CCDC149: variants seen among roughly 807,000 people sequenced by gnomAD.
The protein encoded by CCDC149 is coiled-coil domain-containing protein 149.
Under a neutral mutation model 59.9 loss-of-function variants are expected in CCDC149, and 45 were observed. The ratio of observed to expected loss-of-function variants is 0.75; its 90% CI spans 0.59 to 0.96. The LOEUF is 0.96. Among genes scored for constraint, CCDC149 ranks in the 40% least tolerant of loss-of-function variants. The probability of loss-of-function intolerance (pLI) is 0.00; values close to 1 mark genes in which losing one functional copy is unlikely to be tolerated. For missense variants in CCDC149, 584 were observed against 664.7 expected (o/e 0.88, Z 1.33); for synonymous variants, 245 against 260.6 (o/e 0.94, Z 0.58).
intron 1 of CCDC149, among the ~76,000 whole-genome samples, chr4:24,937,230 G>A (rs1722809553): frequency 1.3e-5 from 2 of 152,198 alleles, no homozygotes; most frequent in Non-Finnish European, 2.9e-5. Context: ...TGGAACTCAG[G>A]AGGGGTGGAA....
At chr4:24,918,982 C>G (rs1722209797) in intron 1 of CCDC149, among the ~76,000 whole-genome samples, 1 of 152,210 alleles carries the variant, frequency 6.6e-6, no homozygotes, top group South Asian at 2.1e-4. Flanking sequence ...TAGATAGACA[C>G]TGTCAACAAG....
At chr4:24,813,368 C>A (rs1156243206) in intron 12 of CCDC149, among the ~76,000 whole-genome samples, 1 of 151,634 alleles carries the variant, frequency 6.6e-6, no homozygotes, top group African/African-American at 2.4e-5. Context: ...CTGACTAAGA[C>A]ATTCAGAAAT....
chr4:24,943,265 A>T (rs1723003670), intron 1 of CCDC149, among the ~76,000 whole-genome samples: 1 of 152,170 alleles, frequency 6.6e-6, no homozygotes, highest in South Asian at 2.1e-4. Context: ...AATGCCGCAT[A>T]TCTACAACTA....
At chr4:24,964,170 G>A (rs974097386) in intron 1 of CCDC149, among the ~76,000 whole-genome samples, 6 of 139,154 alleles carry the variant, frequency 4.3e-5, no homozygotes, top group Non-Finnish European at 9.1e-5. Flanking sequence ...CTCTAGCCTG[G>A]GCAACAGAGT....
chr4:24,852,609 C>T (rs908922731), intron 4 of CCDC149, among the ~76,000 whole-genome samples: 4 of 152,026 alleles, frequency 2.6e-5, no homozygotes, highest in Admixed American at 1.3e-4. Flanking sequence ...GGATTTTGAG[C>T]AATGTTCCAT....
chr4:24,967,109 C>T (rs1188892873), intron 1 of CCDC149, among the ~76,000 whole-genome samples: 1 of 152,156 alleles, frequency 6.6e-6, no homozygotes, highest in Non-Finnish European at 1.5e-5. Flanking sequence ...GTATGTCTCT[C>T]CCATACCAAA....
rs865857976 is a variant in CCDC149 at position 24,839,061 on chromosome 4, C to G, written c.373-789G>C. Among the ~76,000 whole-genome samples, 658 of 115,314 alleles carry G rather than the reference C, an allele frequency of 5.7e-3. 7 individuals are homozygous for G. Among genetic ancestry groups the G allele is most frequent in the Middle Eastern group, 0.018 (4 of 226 alleles). The allele number at this position is 115,314 out of a possible 152,430, so 75.7% of individuals were successfully genotyped here. On this transcript the variant is annotated intron_variant, in intron 4 of 12. Transcript: ENST00000635206. ...ACACACACACACACACACACACACA[C>G]AGAGAGAGAGAGAGAAAGAGAGAGA...
chr4:24,972,573 C>A (rs538625184), intron 1 of CCDC149, among the ~76,000 whole-genome samples: 194 of 152,210 alleles, frequency 1.3e-3, no homozygotes, highest in African/African-American at 4.5e-3. Flanking sequence ...CTCCCAAATG[C>A]TAGAATTACA....
intron 1 of CCDC149, among the ~76,000 whole-genome samples, chr4:24,907,040 T>A (rs1428224247): frequency 6.6e-6 from 1 of 152,226 alleles, no homozygotes; most frequent in African/African-American, 2.4e-5. Context: ...GGGAGTGGTG[T>A]GGCTTCATAT....
At chr4:24,894,968 C>G (rs1377834387) in intron 1 of CCDC149, 1 of 1,535,980 alleles carries the variant, frequency 6.5e-7, no homozygotes, top group Non-Finnish European at 8.7e-7. Context: ...CTTAAAGTCC[C>G]ATGCAGGCAT....
At chr4:24,928,881 C>T (rs575797571) in intron 1 of CCDC149, among the ~76,000 whole-genome samples, 20 of 152,298 alleles carry the variant, frequency 1.3e-4, no homozygotes, top group South Asian at 1.0e-3. Context: ...CTTCATGTGA[C>T]AGGCGGGGCA....
chr4:24,876,344 G>GAA (rs1719438658), intron 2 of CCDC149, among the ~76,000 whole-genome samples, 192 bp downstream of exon 2: 1 of 149,654 alleles, frequency 6.7e-6, no homozygotes, highest in South Asian at 2.1e-4. Context: ...CACACACAGA[G>GAA]AGAGAGAGAG....
chr4:24,861,670 A>G (rs148504632), intron 3 of CCDC149, among the ~76,000 whole-genome samples: 248 of 152,200 alleles, frequency 1.6e-3, no homozygotes, highest in African/African-American at 5.7e-3. Flanking sequence ...TAAGCTGAGG[A>G]GCATCTGTGT....
intron 8 of CCDC149, among the ~76,000 whole-genome samples, chr4:24,832,598 T>C (rs1213094192): frequency 2.0e-5 from 3 of 152,308 alleles, no homozygotes; most frequent in South Asian, 2.1e-4. Context: ...CATCTATGGA[T>C]GGCTCTGATA....
rs1166260502 is a variant in CCDC149 at position 24,961,224 on chromosome 4, T to C, written c.-65+18845A>G. Among the ~76,000 whole-genome samples, 3 of 152,268 alleles carry C rather than the reference T, an allele frequency of 2.0e-5. No homozygotes were observed. In the East Asian group the frequency reaches 5.8e-4, roughly 29 times the overall value. ...GGATCACAGGACTTGAGGAATGACATGGTGGTGGTGAGTTTCCTCCATATA... is the reference window on the plus strand; with the variant it reads ...GGATCACAGGACTTGAGGAATGACACGGTGGTGGTGAGTTTCCTCCATATA... On this transcript the variant is annotated intron_variant, in intron 1 of 12. Transcript: ENST00000389609.
chr4:24,876,829 C>A, intron 1 of CCDC149, 132 bp from the exon 2 acceptor site: 1 of 833,494 alleles, frequency 1.2e-6, no homozygotes, highest in Non-Finnish European at 1.8e-6. Flanking sequence ...CCGAGAGAGA[C>A]ATTTTTCAGC....
intron 9 of CCDC149, among the ~76,000 whole-genome samples, chr4:24,823,868 T>C (rs1466138168): frequency 1.3e-5 from 2 of 152,252 alleles, no homozygotes; most frequent in Non-Finnish European, 2.9e-5. Flanking sequence ...TCAATTACTT[T>C]CCATTTTCAT....
At chr4:24,964,901 T>C (rs1420452741) in intron 1 of CCDC149, among the ~76,000 whole-genome samples, 1 of 143,900 alleles carries the variant, frequency 6.9e-6, no homozygotes, top group Non-Finnish European at 1.5e-5. Flanking sequence ...TCTGAAATCA[T>C]GGAAGTCAGA....
intron 1 of CCDC149, among the ~76,000 whole-genome samples, chr4:24,877,175 CTGTT>C (rs35214498): frequency 0.36 from 53,829 of 150,916 alleles, 9,636 homozygotes; most frequent in Admixed American, 0.41. Flanking sequence ...GGTTTTTTGT[CTGTT>C]TGTTTGTTTG....
Sources: allele counts gnomAD v4.1 joint callset (sites outside exome capture counted in the v4.1 genomes callset), GRCh38; gene constraint gnomAD v4.1.1; transcripts MANE v1.5; gene names NCBI Gene and HGNC (gene_info 2026-07-23, HGNC 2026-07-21).